The following CD163L1 variants were observed in gnomAD, a reference collection of about 807,000 sequenced individuals.
CD163L1 encodes the protein CD163 molecule like 1, also known as scavenger receptor cysteine-rich type 1 protein M160.
In CD163L1, 124 loss-of-function variants were observed where a neutral mutation model predicts 165.4. That is an observed-to-expected ratio of 0.75 (90% CI 0.65 to 0.87). The LOEUF is 0.87. CD163L1 is among the 40% of genes least tolerant of loss of function. The pLI is 0.00. For missense variants in CD163L1, 1,525 were observed against 1,799.9 expected, an observed-to-expected ratio of 0.85 and a Z score of 2.76; for synonymous variants, 585 against 662.2, an observed-to-expected ratio of 0.88 and a Z score of 1.79.
At chr12:7,401,367 G>C (rs773519235) in intron 6 of CD163L1, among the ~76,000 whole-genome samples, 1 of 151,630 alleles carries the variant, frequency 6.6e-6, no homozygotes, top group Non-Finnish European at 1.5e-5. Flanking sequence ...ATGATATAGT[G>C]GAATAATAGG....
chr12:7,416,480 T>C (rs1053957103), intron 4 of CD163L1, among the ~76,000 whole-genome samples: 2 of 152,234 alleles, frequency 1.3e-5, no homozygotes, highest in Admixed American at 1.3e-4. Flanking sequence ...GTTTTAGTCA[T>C]GAAGTCTTTG....
intron 13 of CD163L1, among the ~76,000 whole-genome samples, chr12:7,373,862 T>A (rs904145654): frequency 3.9e-5 from 6 of 152,212 alleles, no homozygotes; most frequent in Non-Finnish European, 8.8e-5. Context: ...GAGCTTTAAA[T>A]TTGTATCAAC....
chr12:7,421,118 A>T (rs1407826920), intron 4 of CD163L1, among the ~76,000 whole-genome samples: 3 of 66,930 alleles, frequency 4.5e-5, no homozygotes, highest in Admixed American at 2.4e-4. Context: ...TTTGGAAGAA[A>T]ATGTATATAT....
intron 4 of CD163L1, among the ~76,000 whole-genome samples, chr12:7,409,131 G>A (rs554320414): frequency 1.3e-5 from 2 of 152,238 alleles, no homozygotes; most frequent in Middle Eastern, 3.4e-3. Context: ...TTTTAAAAGA[G>A]ACAGTCAATA....
At chr12:7,335,589 T>C in the CD163L1 span, among the ~76,000 whole-genome samples, 1 of 152,238 alleles carries the variant, frequency 6.6e-6, no homozygotes, top group East Asian at 1.9e-4. Flanking sequence ...ATTCAGGACA[T>C]AGGCATGGGC....
intron 4 of CD163L1, among the ~76,000 whole-genome samples, chr12:7,431,170 C>A (rs928216757): frequency 4.6e-5 from 7 of 152,172 alleles, no homozygotes; most frequent in African/African-American, 1.7e-4. Flanking sequence ...CGGCTGTAAT[C>A]CCTGCACTTT....
intron 18 of CD163L1, among the ~76,000 whole-genome samples, chr12:7,363,790 G>GATAATAATAAGA: frequency 6.8e-6 from 1 of 146,862 alleles, no homozygotes; most frequent in South Asian, 2.2e-4. Flanking sequence ...ATAATAATAA[G>GATAATAATAAGA]AAAAAAAAAA....
At chr12:7,365,983 A>G (rs781181459) in intron 18 of CD163L1, among the ~76,000 whole-genome samples, 62 of 152,294 alleles carry the variant, frequency 4.1e-4, no homozygotes, top group African/African-American at 1.4e-3. Flanking sequence ...ACTATTTATA[A>G]TAGCCAAAAT....
At chr12:7,419,591 T>C (rs899560354) in intron 4 of CD163L1, among the ~76,000 whole-genome samples, 9 of 152,076 alleles carry the variant, frequency 5.9e-5, no homozygotes, top group African/African-American at 2.2e-4. Flanking sequence ...GATATGATCA[T>C]ATACCTAGAA....
chr12:7,337,475 G>C, the CD163L1 span, among the ~76,000 whole-genome samples: 3 of 151,882 alleles, frequency 2.0e-5, no homozygotes, highest in Non-Finnish European at 4.4e-5. Flanking sequence ...GTTTATGAGA[G>C]AAACACAAAC....
At position 7,398,465 on chromosome 12, in the gene CD163L1, C is replaced by T. The variant is rs1458942859; in HGVS notation, c.1528G>A (p.Ala510Thr). Residue 510 changes from alanine (A) to threonine (T), a missense_variant, in exon 7 of 20, where the codon GCA becomes ACA. Physicochemically the swap from Ala to Thr is moderately conservative, Grantham distance 58. Coordinates refer to ENST00000313599, the MANE Select transcript of CD163L1 (RefSeq NM_174941.6). The surrounding 1 kb of genome is among the most constrained non-coding windows in gnomAD (Gnocchi z 4.5). ...VCHDRWSTRN[A>T]AVVCKQLGCG... ...CCCAATTGTTTACAAACAACAGCTGCATTCCTTGTGCTCCATCTGTCATGA... is the reference window on the plus strand; with the variant it reads ...CCCAATTGTTTACAAACAACAGCTGTATTCCTTGTGCTCCATCTGTCATGA... 1 of 1,613,932 alleles carries T rather than the reference C, an allele frequency of 6.2e-7. No homozygotes were observed. Among genetic ancestry groups the T allele is most frequent in the African/African-American group, 1.3e-5 (1 of 74,932 alleles).
chr12:7,400,452 T>C lies in CD163L1; in HGVS notation c.1409-1868A>G, dbSNP rs948228582. 6.6e-6 allele frequency among the ~76,000 whole-genome samples: 1 copy of C among 152,224 alleles called. No individual in the cohort carries two copies. Among genetic ancestry groups the C allele is most frequent in the East Asian group, 1.9e-4 (1 of 5,202 alleles). ...TGAAGTAGTGTATCCTGTTCTAGTA[T>C]AGGATAACTGGATAGTATAATGATA... On this transcript the variant is annotated intron_variant, in intron 6 of 19. Coordinates refer to ENST00000313599, the MANE Select transcript of CD163L1 (RefSeq NM_174941.6). This position sits in a 1 kb window ranked among gnomAD's most constrained non-coding sequence, Gnocchi z 4.1.
At chr12:7,363,217 G>T (rs1946942885) in intron 18 of CD163L1, among the ~76,000 whole-genome samples, 6 of 151,996 alleles carry the variant, frequency 3.9e-5, no homozygotes, top group African/African-American at 1.4e-4. Context: ...TTTGAGGCAG[G>T]AGATTTGCTT....
At chr12:7,381,703 G>T (rs1291913700) in intron 8 of CD163L1, among the ~76,000 whole-genome samples, 2 of 152,110 alleles carry the variant, frequency 1.3e-5, no homozygotes, top group East Asian at 3.9e-4. Flanking sequence ...GTGGTGGTGG[G>T]GAGGGTGGGG....
At chr12:7,385,597 C>T (rs1390624699) in intron 8 of CD163L1, among the ~76,000 whole-genome samples, 1 of 151,816 alleles carries the variant, frequency 6.6e-6, no homozygotes, top group African/African-American at 2.4e-5. Context: ...CCAGAATAGA[C>T]CATATTCAAG....
Position 7,432,618 on chromosome 12 carries a change from A to G in CD163L1, c.564T>C (p.Thr188=). The change falls in exon 4 of 20, where the codon ACT becomes ACC. Residue 188 remains threonine (T), a synonymous_variant. Coordinates refer to ENST00000313599, the MANE Select transcript of CD163L1 (RefSeq NM_174941.6). This position sits in a 1 kb window ranked among gnomAD's most constrained non-coding sequence, Gnocchi z 4.2. The stretch of plus-strand genomic sequence containing the variant: ...CTAGTTGCCTGCACACCACGGCAGC[A>G]GTATTCAAGTTCCACCCATCATCAC... ...TICDDGWNLN[T]AAVVCRQLGC... 6.2e-7 allele frequency: 1 copy of G among 1,614,236 alleles called. No individual in the cohort carries two copies. Among genetic ancestry groups the G allele is most frequent in the Non-Finnish European group, 8.5e-7 (1 of 1,180,042 alleles).
chr12:7,421,460 TATAC>T lies in CD163L1; in HGVS notation c.766+10952_766+10955del, dbSNP rs1483299976. On this transcript the variant is annotated intron_variant, in intron 4 of 19. Coordinates refer to ENST00000313599, the MANE Select transcript of CD163L1 (RefSeq NM_174941.6). ...ATATACATATACATATATGTACATA[TATAC>T]ATATATATACATATATGTACATATA... Among the ~76,000 whole-genome samples, 6 of 92,472 alleles carry T rather than the reference TATAC, an allele frequency of 6.5e-5. 2 individuals carry two copies. The East Asian group carries it at 1.1e-3, about 17-fold the overall frequency. The allele number at this position is 92,472 out of a possible 152,430, so 60.7% of individuals were successfully genotyped here. A position where few individuals can be genotyped will look rare whatever the true frequency, so the allele number is the denominator to read the frequency against.
intron 4 of CD163L1, among the ~76,000 whole-genome samples, chr12:7,416,466 T>C (rs1948242927): frequency 6.6e-6 from 1 of 152,250 alleles, no homozygotes; most frequent in South Asian, 2.1e-4. Context: ...CCATTGCTTT[T>C]GGTGTTTTAG....
chr12:7,328,708 A>G, the CD163L1 span: 1 of 164,786 alleles, frequency 6.1e-6, no homozygotes, highest in Non-Finnish European at 1.3e-5. Context: ...GATTCAAAAT[A>G]AACATATATC....
Sources: gnomAD v4.1 joint callset for allele counts (sites outside exome capture counted in the v4.1 genomes callset) on GRCh38, gnomAD v4.1.1 for gene constraint, Gnocchi (gnomAD v3.1) non-coding constraint, MANE v1.5 for transcripts, NCBI Gene and HGNC (gene_info 2026-07-23, HGNC 2026-07-21) for gene names.